The following MACROD2 variants were observed in gnomAD, a reference collection of about 807,000 sequenced individuals.
MACROD2 encodes the protein ADP-ribose glycohydrolase MACROD2.
Under a neutral mutation model 70.4 loss-of-function variants are expected in MACROD2, and 36 were observed. The ratio of observed to expected loss-of-function variants is 0.51; its 90% CI spans 0.39 to 0.68. MACROD2 has a LOEUF of 0.68. Ranked by LOEUF, MACROD2 falls within the 30% of genes least tolerant of loss-of-function variation. The pLI is 0.00. For missense variants in MACROD2, 496 were observed against 538.4 expected (o/e 0.92, Z 0.78); for synonymous variants, 172 against 178.8 (o/e 0.96, Z 0.30).
intron 5 of MACROD2, among the ~76,000 whole-genome samples, chr20:15,209,152 A>G (rs1048664153): frequency 1.8e-5 from 2 of 110,592 alleles, no homozygotes; most frequent in African/African-American, 6.3e-5. Flanking sequence ...TTTATTTTTT[A>G]GTCTGCTCTT....
chr20:15,963,567 A>T (rs1350694084), intron 12 of MACROD2, among the ~76,000 whole-genome samples: 1 of 152,170 alleles, frequency 6.6e-6, no homozygotes, highest in African/African-American at 2.4e-5. Flanking sequence ...AGAATTCAAG[A>T]TTTGCCATCA....
chr20:15,642,688 A>G (rs1199094152), intron 8 of MACROD2, among the ~76,000 whole-genome samples: 1 of 151,918 alleles, frequency 6.6e-6, no homozygotes, highest in African/African-American at 2.4e-5. Context: ...AAATAAAAAT[A>G]ATCTTTTCTT....
At chr20:15,143,441 A>G (rs1372486139) in intron 5 of MACROD2, among the ~76,000 whole-genome samples, 1 of 152,106 alleles carries the variant, frequency 6.6e-6, no homozygotes, top group Non-Finnish European at 1.5e-5. Flanking sequence ...GATTGTAAAA[A>G]TTTGTTCCCA....
At chr20:15,692,126 A>T (rs572740249) in intron 8 of MACROD2, among the ~76,000 whole-genome samples, 79 of 152,246 alleles carry the variant, frequency 5.2e-4, no homozygotes, top group African/African-American at 1.9e-3. Context: ...TACGTTAAGC[A>T]GCTGCCATCC....
intron 5 of MACROD2, among the ~76,000 whole-genome samples, chr20:14,822,056 T>C (rs978453557): frequency 1.1e-4 from 17 of 152,004 alleles, no homozygotes; most frequent in African/African-American, 4.1e-4. Flanking sequence ...TTGAACAAAA[T>C]GGTAAGAACA....
chr20:15,256,886 T>C (rs948311597), intron 6 of MACROD2, among the ~76,000 whole-genome samples: 3 of 152,000 alleles, frequency 2.0e-5, no homozygotes, highest in African/African-American at 7.2e-5. Flanking sequence ...TATTCAGTAC[T>C]ATAAATTGTT....
intron 8 of MACROD2, among the ~76,000 whole-genome samples, chr20:15,833,828 C>A (rs370903013): frequency 6.6e-6 from 1 of 152,146 alleles, no homozygotes; most frequent in African/African-American, 2.4e-5. Flanking sequence ...TCTCCAAATT[C>A]ATCTCATTAA....
intron 3 of MACROD2, among the ~76,000 whole-genome samples, chr20:14,410,907 T>C (rs6042713): frequency 0.018 from 2,675 of 152,234 alleles, 89 homozygotes; most frequent in African/African-American, 0.061. Context: ...GAGACCAACC[T>C]GAGCAGATGA....
chr20:14,576,023 C>T (rs1980577380), intron 4 of MACROD2, among the ~76,000 whole-genome samples: 1 of 152,064 alleles, frequency 6.6e-6, no homozygotes, highest in South Asian at 2.1e-4. Context: ...CATTGGAGAG[C>T]CTAGGTTCCT....
chr20:14,831,263 C>T (rs2122235829), intron 5 of MACROD2, among the ~76,000 whole-genome samples: 1 of 152,220 alleles, frequency 6.6e-6, no homozygotes, highest in Admixed American at 6.5e-5. Context: ...CATATATCTG[C>T]ACTGCCTTTT....
At chr20:15,698,258 G>C (rs139974983) in intron 8 of MACROD2, among the ~76,000 whole-genome samples, 68 of 152,282 alleles carry the variant, frequency 4.5e-4, no homozygotes, top group African/African-American at 1.6e-3. Context: ...AGTTCTTGTA[G>C]TGGTGGCTTG....
intron 8 of MACROD2, among the ~76,000 whole-genome samples, chr20:15,555,845 AAAAAAAAAAGG>A (rs2048161439): frequency 6.8e-6 from 1 of 147,362 alleles, no homozygotes; most frequent in African/African-American, 2.6e-5. Context: ...AAAAAAAAAA[AAAAAAAAAAGG>A]AAAAGAAAAG....
intron 8 of MACROD2, among the ~76,000 whole-genome samples, chr20:15,544,166 C>G (rs1353791034): frequency 6.6e-6 from 1 of 152,168 alleles, no homozygotes; most frequent in African/African-American, 2.4e-5. Flanking sequence ...CTCACAGCGT[C>G]TAGACTCTGG....
chr20:15,743,978 C>T (rs539134726), intron 8 of MACROD2, among the ~76,000 whole-genome samples: 1 of 152,146 alleles, frequency 6.6e-6, no homozygotes, highest in Admixed American at 6.5e-5. Flanking sequence ...GTTGCCAGCA[C>T]ACAAGAAGCA....
At position 14,028,360 on chromosome 20, in the gene MACROD2, C is replaced by T. The variant is rs904228101; in HGVS notation, c.163+25956C>T. On this transcript the variant is annotated intron_variant, in intron 2 of 17. Coordinates refer to ENST00000684519, the MANE Select transcript of MACROD2 (RefSeq NM_001351661.2). ...CAGTGGATCTTAGCTTGCTGGACCC[C>T]GTGGGGGTGGGATCTGCTGAGCTAG... Among the ~76,000 whole-genome samples, 6 of 152,146 alleles carry T rather than the reference C, an allele frequency of 3.9e-5. No homozygotes were observed. The South Asian group carries it at 6.2e-4, about 16-fold the overall frequency.
intron 6 of MACROD2, among the ~76,000 whole-genome samples, chr20:15,293,710 C>A (rs1485932563): frequency 6.6e-6 from 1 of 152,160 alleles, no homozygotes; most frequent in African/African-American, 2.4e-5. Context: ...GGGAAAGAGA[C>A]CAAACCTCTG....
At chr20:14,461,091 C>T (rs2084364655) in intron 3 of MACROD2, among the ~76,000 whole-genome samples, 1 of 152,030 alleles carries the variant, frequency 6.6e-6, no homozygotes, top group Non-Finnish European at 1.5e-5. Context: ...TAATTACTAC[C>T]TCAATTTCAG....
At chr20:16,026,813 G>C (rs190414307) in intron 15 of MACROD2, among the ~76,000 whole-genome samples, 220 of 152,262 alleles carry the variant, frequency 1.4e-3, no homozygotes, top group Non-Finnish European at 2.4e-3. Flanking sequence ...AAGCCCCTAC[G>C]AGGAGGGTTT....
At chr20:15,002,443 C>T (rs2075003374) in intron 5 of MACROD2, among the ~76,000 whole-genome samples, 1 of 151,968 alleles carries the variant, frequency 6.6e-6, no homozygotes, top group Non-Finnish European at 1.5e-5. Flanking sequence ...TGTCCTTAGC[C>T]CACTTTTCGA....
Sources: gnomAD v4.1 joint callset for allele counts (sites outside exome capture counted in the v4.1 genomes callset) on GRCh38, gnomAD v4.1.1 for gene constraint, MANE v1.5 for transcripts, NCBI Gene and HGNC (gene_info 2026-07-23, HGNC 2026-07-21) for gene names.